The following GTF2H5 variants were observed in gnomAD, a reference collection of about 807,000 sequenced individuals.
GTF2H5 encodes the protein general transcription factor IIH subunit 5.
Under a neutral mutation model 7.1 loss-of-function variants are expected in GTF2H5, and 5 were observed. The observed-to-expected ratio is 0.71, with a 90% CI of 0.37 to 1.49. The LOEUF is 1.49. Ranked by LOEUF, GTF2H5 falls within the 40% of genes most tolerant of loss-of-function variation. GTF2H5 has a pLI of 0.03. For missense variants in GTF2H5, 80 were observed against 83.0 expected, an observed-to-expected ratio of 0.96 and a Z score of 0.14; for synonymous variants, 30 against 31.7, an observed-to-expected ratio of 0.95 and a Z score of 0.18.
chr6:158,198,782 C>CAGCT lies in GTF2H5; in HGVS notation c.*6626_*6629dup, dbSNP rs1181370539. On this transcript the variant is annotated 3_prime_UTR_variant, in exon 3 of 3. Coordinates refer to ENST00000607778, the MANE Select transcript of GTF2H5 (RefSeq NM_207118.3). The stretch of plus-strand genomic sequence containing the variant: ...TCGGCTCATCTCTTGTTTTCTCACC[C>CAGCT]AGCTGTTCTTCTTCTAGTTGGCCAT... The CAGCT allele has an allele frequency of 6.6e-6, 1 of 152,184 alleles. No individual in the cohort carries two copies. 9.4% of individuals were successfully genotyped at this position (152,184 alleles called of 1,614,324 possible).
chr6:158,184,555 C>A (rs942718219), intron 2 of GTF2H5, among the ~76,000 whole-genome samples: 5 of 152,106 alleles, frequency 3.3e-5, no homozygotes, highest in Non-Finnish European at 7.3e-5. Context: ...TATTGAGCAC[C>A]TATAATGTTC....
At chr6:158,181,506 A>G (rs758287681) in intron 2 of GTF2H5, among the ~76,000 whole-genome samples, 1 of 152,274 alleles carries the variant, frequency 6.6e-6, no homozygotes, top group South Asian at 2.1e-4. Context: ...GTGGGAGTCT[A>G]ACTCTCTTTG....
chr6:158,175,454 C>G (rs746535405), intron 2 of GTF2H5, among the ~76,000 whole-genome samples: 1 of 152,160 alleles, frequency 6.6e-6, no homozygotes, highest in African/African-American at 2.4e-5. Context: ...ACAATAACTC[C>G]GTTTCTATAA....
intron 2 of GTF2H5, among the ~76,000 whole-genome samples, chr6:158,178,745 A>G (rs1179828822): frequency 6.6e-6 from 1 of 152,038 alleles, no homozygotes; most frequent in Non-Finnish European, 1.5e-5. Context: ...TAGATTCTGG[A>G]TATTAGCCCT....
At chr6:158,182,244 G>A (rs1028283552) in intron 2 of GTF2H5, among the ~76,000 whole-genome samples, 14 of 152,228 alleles carry the variant, frequency 9.2e-5, no homozygotes, top group Admixed American at 6.5e-5. Context: ...GGAGCGATCC[G>A]CTGTTAGTCT....
In GTF2H5 at chr6:158,169,660, A is replaced by G. The variant is rs1322800986; in HGVS notation, c.-34-810A>G. Among the ~76,000 whole-genome samples the G allele has an allele frequency of 7.6e-4, 64 of 84,656 alleles. 9 individuals are homozygous for G. The highest frequency in any genetic ancestry group is 3.5e-3 in the African/African-American group (64 of 18,286). The allele number at this position is 84,656 out of a possible 152,430, so 55.5% of individuals were successfully genotyped here. A position where few individuals can be genotyped will look rare whatever the true frequency, so the allele number is the denominator to read the frequency against. The stretch of plus-strand genomic sequence containing the variant: ...TTACATATATTGTATATTACATATA[A>G]TATATTGTATATTATATAATATATA... On this transcript the variant is annotated intron_variant, in intron 1 of 2. Coordinates refer to ENST00000607778, the MANE Select transcript of GTF2H5 (RefSeq NM_207118.3).
chr6:158,191,965 T>C lies in GTF2H5; in HGVS notation c.36-12T>C, dbSNP rs1430912863. 1 of 1,610,274 alleles carries C rather than the reference T, an allele frequency of 6.2e-7. No homozygotes were observed. Among genetic ancestry groups the C allele is most frequent in the East Asian group, 2.2e-5 (1 of 44,852 alleles). ...AACAAGCTGTCTTACAATCATGTGT[T>C]TGTCTTTACAGTGATCCTGCCATGA... On this transcript the variant is annotated splice_polypyrimidine_tract_variant and intron_variant, in intron 2 of 2. Coordinates refer to ENST00000607778, the MANE Select transcript of GTF2H5 (RefSeq NM_207118.3).
chr6:158,169,811 T>C (rs986416904), intron 1 of GTF2H5, among the ~76,000 whole-genome samples: 3 of 113,296 alleles, frequency 2.6e-5, no homozygotes, highest in African/African-American at 1.1e-4. Flanking sequence ...GTATATTATA[T>C]ATTATATATA....
chr6:158,169,529 A>AGTATATTATATAATATACT lies in GTF2H5; in HGVS notation c.-34-929_-34-928insATATACTGTATATTATATA, dbSNP rs1785755082. On this transcript the variant is annotated intron_variant, in intron 1 of 2. Coordinates refer to ENST00000607778, the MANE Select transcript of GTF2H5 (RefSeq NM_207118.3). ...ATATTGTATATTATATATAATATACAGTATATTATATATAATATACTGTAT... is the reference window on the plus strand; with the variant it reads ...ATATTGTATATTATATATAATATACAGTATATTATATAATATACTGTATATTATATATAATATACTGTAT... 5.4e-5 allele frequency among the ~76,000 whole-genome samples: 3 copies of AGTATATTATATAATATACT among 55,716 alleles called. 1 individual carries two copies. Among genetic ancestry groups the AGTATATTATATAATATACT allele is most frequent in the African/African-American group, 3.1e-4 (3 of 9,542 alleles). The allele number at this position is 55,716 out of a possible 152,430, so 36.6% of individuals were successfully genotyped here. A position where few individuals can be genotyped will look rare whatever the true frequency, so the allele number is the denominator to read the frequency against.
In GTF2H5 at chr6:158,192,171, G is replaced by A. The variant is rs201779954; in HGVS notation, c.*14G>A. The A allele has an allele frequency of 1.2e-4, 188 of 1,594,270 alleles. No individual in the cohort carries two copies. Among genetic ancestry groups the A allele is most frequent in the Non-Finnish European group, 1.6e-4 (182 of 1,163,796 alleles). ...ACCCAGAAATGAAAATACTCAATAT[G>A]GACCATTTAGGAATTATAAGCAGCA... On this transcript the variant is annotated 3_prime_UTR_variant, in exon 3 of 3. Coordinates refer to ENST00000607778, the MANE Select transcript of GTF2H5 (RefSeq NM_207118.3).
chr6:158,191,896 C>T lies in GTF2H5; in HGVS notation c.36-81C>T, dbSNP rs1029857976. On this transcript the variant is annotated intron_variant, in intron 2 of 2. Transcript: ENST00000607778. ...TTTAAAAATCATTCTAAAAATTCTA[C>T]ATGTTCACATTTAATTGCTCAAGTC... 9 of 1,087,548 alleles carry T rather than the reference C, an allele frequency of 8.3e-6. No individual in the cohort carries two copies. In the Admixed American group the frequency reaches 1.0e-4, roughly 12 times the overall value. The allele number at this position is 1,087,548 out of a possible 1,614,324, so 67.4% of individuals were successfully genotyped here.
chr6:158,169,005 A>G (rs1785692978), intron 1 of GTF2H5, among the ~76,000 whole-genome samples: 1 of 151,428 alleles, frequency 6.6e-6, no homozygotes, highest in Admixed American at 6.6e-5. Flanking sequence ...AGGCCGAGGT[A>G]GGTGGATCAT....
At chr6:158,182,562 C>T (rs1786025231) in intron 2 of GTF2H5, among the ~76,000 whole-genome samples, 1 of 151,700 alleles carries the variant, frequency 6.6e-6, no homozygotes, top group Non-Finnish European at 1.5e-5. Context: ...TTCTTGGAGG[C>T]TTTGTTCATT....
chr6:158,178,831 G>C (rs570938853), intron 2 of GTF2H5, among the ~76,000 whole-genome samples: 95 of 152,268 alleles, frequency 6.2e-4, no homozygotes, highest in African/African-American at 2.3e-3. Context: ...TTCTTTTGCT[G>C]TGCAGAAGCT....
chr6:158,176,851 GGGAT>G (rs1785941468), intron 2 of GTF2H5, among the ~76,000 whole-genome samples: 1 of 152,244 alleles, frequency 6.6e-6, no homozygotes, highest in Admixed American at 6.5e-5. Flanking sequence ...GGGAAACAAA[GGGAT>G]GGGCCAAAAT....
At chr6:158,185,131 C>G (rs1776890854) in intron 2 of GTF2H5, among the ~76,000 whole-genome samples, 1 of 143,998 alleles carries the variant, frequency 6.9e-6, no homozygotes, top group South Asian at 2.2e-4. Flanking sequence ...CAAAATGTCC[C>G]TTAAACTTTG....
At chr6:158,182,273 A>G (rs186558034) in intron 2 of GTF2H5, among the ~76,000 whole-genome samples, 23 of 152,288 alleles carry the variant, frequency 1.5e-4, no homozygotes, top group African/African-American at 5.3e-4. Flanking sequence ...TCCCTTTGTG[A>G]GTAACCTGAC....
rs569274849 is a variant in GTF2H5, at chr6:158,197,012, G to A, written c.*4855G>A. On this transcript the variant is annotated 3_prime_UTR_variant, in exon 3 of 3. Coordinates refer to ENST00000607778, the MANE Select transcript of GTF2H5 (RefSeq NM_207118.3). ...TGGATACCAAAACCATCCAGCCCAG[G>A]TCAGCTGCAGACAAAAGCAGAGCTT... The A allele has an allele frequency of 6.6e-6, 1 of 152,316 alleles. No individual in the cohort carries two copies. The highest frequency in any genetic ancestry group is 6.5e-5 in the Admixed American group (1 of 15,304). The allele number at this position is 152,316 out of a possible 1,614,324, so 9.4% of individuals were successfully genotyped here.
rs1785839724 is a variant in GTF2H5, at chr6:158,170,461, T to C, written c.-34-9T>C. Reference sequence around the variant, plus strand: ...TTTTAATTTAATGTTACCTTACTCTTTTTATTAGCATTCTTCAGGTCATCT... The same window carrying C: ...TTTTAATTTAATGTTACCTTACTCTCTTTATTAGCATTCTTCAGGTCATCT... On this transcript the variant is annotated splice_polypyrimidine_tract_variant and intron_variant, in intron 1 of 2. Coordinates refer to ENST00000607778, the MANE Select transcript of GTF2H5 (RefSeq NM_207118.3). 2 of 1,530,258 alleles carry C rather than the reference T, an allele frequency of 1.3e-6. No homozygotes were observed. The highest frequency in any genetic ancestry group is 1.8e-6 in the Non-Finnish European group (2 of 1,103,642). The allele number at this position is 1,530,258 out of a possible 1,614,324, so 94.8% of individuals were successfully genotyped here. A position where few individuals can be genotyped will look rare whatever the true frequency, so the allele number is the denominator to read the frequency against.
Sources: allele counts gnomAD v4.1 joint callset (sites outside exome capture counted in the v4.1 genomes callset), GRCh38; gene constraint gnomAD v4.1.1; transcripts MANE v1.5; gene names NCBI Gene and HGNC (gene_info 2026-07-23, HGNC 2026-07-21).